The following RTN4 variants were observed in gnomAD, a reference collection of about 807,000 sequenced individuals.
RTN4 encodes the protein reticulon-4.
In RTN4, 32 loss-of-function variants were observed where a neutral mutation model predicts 90.4. That is an observed-to-expected ratio of 0.35 (90% CI 0.27 to 0.48). The LOEUF (loss-of-function observed/expected upper bound fraction) is 0.48, where lower values mean the gene tolerates loss of function less well. RTN4 is among the 20% of genes least tolerant of loss of function. RTN4 has a pLI of 0.99. For missense variants in RTN4, 1,706 were observed against 1,430.2 expected (o/e 1.19, Z -3.11); for synonymous variants, 629 against 552.5 (o/e 1.14, Z -1.94).
At chr2:55,048,414 T>C (rs1667891772) in intron 1 of RTN4, among the ~76,000 whole-genome samples, 2 of 152,254 alleles carry the variant, frequency 1.3e-5, no homozygotes, top group African/African-American at 4.8e-5. Context: ...TTTGGCTCTT[T>C]TGTAATAACG....
intron 5 of RTN4, among the ~76,000 whole-genome samples, chr2:54,978,323 G>C (rs934774883): frequency 4.0e-5 from 6 of 151,786 alleles, no homozygotes; most frequent in Non-Finnish European, 7.4e-5. Flanking sequence ...CCAGCTACTT[G>C]GGAGGCTGAA....
chr2:55,104,154 G>T (rs530935432), intron 1 of RTN4, among the ~76,000 whole-genome samples: 1 of 150,150 alleles, frequency 6.7e-6, no homozygotes, highest in Non-Finnish European at 1.5e-5. Context: ...GGGTTCAAGC[G>T]ATTCTCCTGG....
intron 1 of RTN4, among the ~76,000 whole-genome samples, chr2:55,037,505 C>T (rs148371016): frequency 6.6e-6 from 1 of 152,080 alleles, no homozygotes; most frequent in East Asian, 1.9e-4. Context: ...GCAGATCTCA[C>T]TCAGCCATCT....
chr2:55,050,432 G>A lies in RTN4; in HGVS notation c.-132C>T, dbSNP rs199510455. ...CGACTGAGCCGAGGGACCTACTGTG[G>A]TGACGGCTCCCGGAACAATGAGACT... On this transcript the variant is annotated 5_prime_UTR_variant, in exon 1 of 9. Coordinates refer to ENST00000337526, the MANE Select transcript of RTN4 (RefSeq NM_020532.5). This position sits in a 1 kb window ranked among gnomAD's most constrained non-coding sequence, Gnocchi z 4.6. 10 of 467,014 alleles carry A rather than the reference G, an allele frequency of 2.1e-5. No homozygotes were observed. The highest frequency in any genetic ancestry group is 5.2e-4 in the Middle Eastern group (1 of 1,934). The allele number at this position is 467,014 out of a possible 1,614,324, so 28.9% of individuals were successfully genotyped here.
In RTN4 at chr2:54,978,431, C is replaced by CAAAAA. The variant is rs10718270; in HGVS notation, c.3361-3672_3361-3668dup. ...GGGTGACACAGCGAGACTCTATCTC[C>CAAAAA]AAAAAAAAAAAAAAAAAAAAAAGAG... On this transcript the variant is annotated intron_variant, in intron 5 of 8. Coordinates refer to ENST00000337526, the MANE Select transcript of RTN4 (RefSeq NM_020532.5). Among the ~76,000 whole-genome samples the CAAAAA allele has an allele frequency of 9.9e-5, 8 of 81,088 alleles. 1 individual carries two copies. The highest frequency in any genetic ancestry group is 7.0e-3 in the Middle Eastern group (1 of 142). 53.2% of individuals were successfully genotyped at this position (81,088 alleles called of 152,430 possible).
At chr2:55,048,423 C>T (rs974533328) in intron 1 of RTN4, among the ~76,000 whole-genome samples, 3 of 152,066 alleles carry the variant, frequency 2.0e-5, no homozygotes, top group Non-Finnish European at 2.9e-5. Context: ...TTTGTAATAA[C>T]GTTTAACTTA....
At chr2:55,055,019 G>C (rs188982702), upstream of RTN4, among the ~76,000 whole-genome samples, 692 of 152,008 alleles carry the variant, frequency 4.6e-3, 4 homozygotes, top group Non-Finnish European at 8.0e-3. Flanking sequence ...GTTAGTGTTG[G>C]ATCTAAAATA....
chr2:55,098,811 G>A (rs532067624), intron 1 of RTN4, among the ~76,000 whole-genome samples: 13 of 152,168 alleles, frequency 8.5e-5, no homozygotes, highest in African/African-American at 2.7e-4. Flanking sequence ...CATTTGTTCC[G>A]TAGAGTTTCT....
chr2:55,073,227 G>A (rs1377800346), intron 2 of RTN4, among the ~76,000 whole-genome samples: 1 of 152,084 alleles, frequency 6.6e-6, no homozygotes, highest in Non-Finnish European at 1.5e-5. Context: ...CCTTTTTCTT[G>A]CCTGCTGGGG....
rs559794403 is a variant in RTN4, at chr2:55,073,060, G to A, written c.-63+7429C>T. Among the ~76,000 whole-genome samples, 5 of 152,140 alleles carry A rather than the reference G, an allele frequency of 3.3e-5. No individual in the cohort carries two copies. The South Asian group carries it at 1.0e-3, about 32-fold the overall frequency. ...GTCTGCAATTTTATTAGGCAATTCT[G>A]TTAAGAGGCCAGACTGGGTTTTACA... On this transcript the variant is annotated intron_variant, in intron 2 of 3. Transcript: ENST00000427710.
At chr2:54,989,225 C>T (rs1254260072) in intron 3 of RTN4, among the ~76,000 whole-genome samples, 1 of 152,234 alleles carries the variant, frequency 6.6e-6, no homozygotes, top group Non-Finnish European at 1.5e-5. Flanking sequence ...ATGCCCATCA[C>T]TGTGTCCAGT....
rs189705966 is a variant in RTN4, at chr2:55,057,889, G to A, written c.-63+22600C>T. 5.7e-4 allele frequency among the ~76,000 whole-genome samples: 87 copies of A among 152,196 alleles called. 1 individual carries two copies. Among genetic ancestry groups the A allele is most frequent in the African/African-American group, 2.0e-3 (81 of 41,522 alleles). On this transcript the variant is annotated intron_variant, in intron 2 of 3. Coordinates refer to the RTN4 transcript ENST00000427710. ...TTCTAGCTACTTGGGAGGCTAAGAC[G>A]GGAGGATCGCTTGAGCCAAGGAGGT...
At chr2:54,975,102 T>G (rs1309824390) in intron 5 of RTN4, among the ~76,000 whole-genome samples, 3 of 152,194 alleles carry the variant, frequency 2.0e-5, no homozygotes, top group Non-Finnish European at 4.4e-5. Context: ...TTATGAGAAT[T>G]GTCTATTAGA....
At chr2:55,017,280 T>G (rs1205694769) in intron 3 of RTN4, among the ~76,000 whole-genome samples, 1 of 152,192 alleles carries the variant, frequency 6.6e-6, no homozygotes, top group Non-Finnish European at 1.5e-5. Context: ...ATATATACTT[T>G]TTCAGAAAAA....
rs199696847 is a variant in RTN4, at chr2:54,972,622, C to T, written c.*534G>A. ...ACTATACATATATAATCTATATTTA[C>T]TTATATTGGCAATTAATATAACAGT... On this transcript the variant is annotated 3_prime_UTR_variant, in exon 9 of 9. Coordinates refer to ENST00000337526, the MANE Select transcript of RTN4 (RefSeq NM_020532.5). The T allele has an allele frequency of 1.3e-5, 2 of 152,596 alleles. No individual in the cohort carries two copies. Among genetic ancestry groups the T allele is most frequent in the Non-Finnish European group, 2.9e-5 (2 of 68,074 alleles). 9.5% of individuals were successfully genotyped at this position (152,596 alleles called of 1,614,324 possible).
intron 1 of RTN4, among the ~76,000 whole-genome samples, chr2:55,035,713 G>A (rs1475525717): frequency 6.6e-6 from 1 of 152,080 alleles, no homozygotes; most frequent in Admixed American, 6.6e-5. Context: ...GACAGAGACT[G>A]AGAGACAGAG....
chr2:55,030,039 A>G (rs534074129), intron 1 of RTN4, among the ~76,000 whole-genome samples: 29 of 152,294 alleles, frequency 1.9e-4, no homozygotes, highest in African/African-American at 6.3e-4. Flanking sequence ...CAGTTAACCA[A>G]TTCTTAACAA....
At position 54,973,022 on chromosome 2, in the gene RTN4, T is replaced by C. The variant is rs1415635389; in HGVS notation, c.*134A>G. 1 of 681,180 alleles carries C rather than the reference T, an allele frequency of 1.5e-6. No individual in the cohort carries two copies. The highest frequency in any genetic ancestry group is 2.7e-5 in the East Asian group (1 of 36,594). 42.2% of individuals were successfully genotyped at this position (681,180 alleles called of 1,614,324 possible). A position where few individuals can be genotyped will look rare whatever the true frequency, so the allele number is the denominator to read the frequency against. ...ATTTTTCCTCACAACAGTGCATGGC[T>C]AAAAATAAAGATCTAACAACGATCT... On this transcript the variant is annotated 3_prime_UTR_variant, in exon 9 of 9. Transcript: ENST00000337526.
At chr2:55,126,617 G>A in the RTN4 span, among the ~76,000 whole-genome samples, 1 of 152,204 alleles carries the variant, frequency 6.6e-6, no homozygotes, top group African/African-American at 2.4e-5. Context: ...AAGCAGTGGG[G>A]CAATTCCTCA....
Sources: gnomAD v4.1 joint callset for allele counts (sites outside exome capture counted in the v4.1 genomes callset) on GRCh38, gnomAD v4.1.1 for gene constraint, Gnocchi (gnomAD v3.1) non-coding constraint, MANE v1.5 for transcripts, NCBI Gene and HGNC (gene_info 2026-07-23, HGNC 2026-07-21) for gene names.